KIF1C: variants seen among roughly 807,000 people sequenced by gnomAD.
KIF1C encodes the protein kinesin family member 1C, also known as kinesin-like protein KIF1C.
In KIF1C, 61 loss-of-function variants were observed where a neutral mutation model predicts 126.5. The ratio of observed to expected loss-of-function variants is 0.48; its 90% CI spans 0.39 to 0.60. The LOEUF (loss-of-function observed/expected upper bound fraction) is 0.60, where lower values mean the gene tolerates loss of function less well. KIF1C is among the 20% of genes least tolerant of loss of function. The pLI is 0.00. For missense variants in KIF1C, 1,315 were observed against 1,489.2 expected, an observed-to-expected ratio of 0.88 and a Z score of 1.93; for synonymous variants, 640 against 580.6, an observed-to-expected ratio of 1.10 and a Z score of -1.47.
chr17:4,998,189 C>G (rs1974437289), intron 1 of KIF1C, 33 bp downstream of exon 1: 1 of 152,558 alleles, frequency 6.6e-6, no homozygotes, highest in South Asian at 2.1e-4. Context: ...GGAAGGGACG[C>G]CCGCGGAGGA....
At position 5,023,598 on chromosome 17, in the gene KIF1C, G is replaced by T; in HGVS notation, c.2759G>T (p.Ser920Ile). The change falls in exon 23 of 23, where the codon AGC becomes ATC. Residue 920 changes from serine to isoleucine, a missense_variant. Ser to Ile is a moderately radical substitution (Grantham distance 142, BLOSUM62 -2). Coordinates refer to ENST00000320785, the MANE Select transcript of KIF1C (RefSeq NM_006612.6). This position sits in a 1 kb window ranked among gnomAD's most constrained non-coding sequence, Gnocchi z 4.2. ...SARPPSPPLS[S>I]WERVSRLMEE... is the part of the protein sequence containing the mutation. ...CGGCCCCCCTCGCCACCACTGTCAA[G>T]CTGGGAGCGGGTGTCACGGCTCATG... The T allele has an allele frequency of 6.2e-7, 1 of 1,613,750 alleles. No homozygotes were observed. Among genetic ancestry groups the T allele is most frequent in the Non-Finnish European group, 8.5e-7 (1 of 1,179,924 alleles).
At chr17:5,016,220 C>T (rs2055758767) in intron 18 of KIF1C, among the ~76,000 whole-genome samples, 1 of 151,718 alleles carries the variant, frequency 6.6e-6, no homozygotes, top group Non-Finnish European at 1.5e-5. Context: ...TCACTGCAAC[C>T]TCTGCCTCCC....
chr17:5,002,415 T>C (rs1393984673), intron 6 of KIF1C, 49 bp from the exon 7 acceptor site: 1 of 1,511,502 alleles, frequency 6.6e-7, no homozygotes, highest in East Asian at 2.3e-5. Context: ...AGTTGCGTTG[T>C]CATTGTTTTT....
In KIF1C at chr17:5,023,274, T is replaced by C. The variant is rs1182906125; in HGVS notation, c.2629-194T>C. ...GACCTTGTGATCCGCCCACCTCAGC[T>C]TCCCAAAGTGCTGCGATTACAGGCG... On this transcript the variant is annotated intron_variant, in intron 22 of 22. Coordinates refer to ENST00000320785, the MANE Select transcript of KIF1C (RefSeq NM_006612.6). This position sits in a 1 kb window ranked among gnomAD's most constrained non-coding sequence, Gnocchi z 4.2. 2.6e-5 allele frequency among the ~76,000 whole-genome samples: 4 copies of C among 152,016 alleles called. No individual in the cohort carries two copies. The highest frequency in any genetic ancestry group is 3.2e-3 in the Middle Eastern group (1 of 314).
In KIF1C at chr17:5,022,237, G is replaced by T; in HGVS notation, c.2156G>T (p.Arg719Leu). ...KRCGLPSSGK[R>L]RAPRRVYQIP... ...TGTGGTCTGCCCAGCAGTGGCAAGC[G>T]CAGGGCCCCTCGCAGGGTTTATCAG... Residue 719 changes from arginine (R) to leucine (L), a missense_variant, in exon 22 of 23, where the codon CGC becomes CTC. By Grantham distance (102) the Arg-to-Leu change is moderately radical. Around this residue, in one of 2 missense-constraint regions of KIF1C, gnomAD observed 874 missense variants for 1,053.2 expected, o/e 0.83. Transcript: ENST00000320785. The surrounding 1 kb of genome is among the most constrained non-coding windows in gnomAD (Gnocchi z 4.9). The T allele has an allele frequency of 6.2e-7, 1 of 1,614,170 alleles. No individual in the cohort carries two copies. Among genetic ancestry groups the T allele is most frequent in the East Asian group, 2.2e-5 (1 of 44,882 alleles).
At position 5,001,339 on chromosome 17, in the gene KIF1C, G is replaced by A. The variant is rs1370798795; in HGVS notation, c.301G>A (p.Ala101Thr). The change falls in exon 5 of 23, where the codon GCT (alanine) becomes ACT (threonine). Residue 101 changes from alanine to threonine, a missense_variant. By Grantham distance (58) the Ala-to-Thr change is moderately conservative. Transcript: ENST00000320785. ...CATCTTTGCCTATGGGCAGACCGGG[G>A]CTGGGAAATCCTATACCATGATGGG... is the stretch of plus-strand genomic sequence containing the variant. ...VCIFAYGQTG[A>T]GKSYTMMGRQ... is the part of the protein sequence containing the mutation. The A allele has an allele frequency of 1.9e-6, 3 of 1,614,050 alleles. No homozygotes were observed. Among genetic ancestry groups the A allele is most frequent in the East Asian group, 2.2e-5 (1 of 44,898 alleles).
chr17:5,009,313 G>A (rs1435527847), intron 16 of KIF1C, among the ~76,000 whole-genome samples: 1 of 151,776 alleles, frequency 6.6e-6, no homozygotes, highest in Non-Finnish European at 1.5e-5. Flanking sequence ...CCAAGTAGCT[G>A]GGATTACAGG....
intron 3 of KIF1C, 138 bp downstream of exon 3, chr17:5,000,490 G>A: frequency 1.4e-6 from 1 of 698,088 alleles, no homozygotes; most frequent in Non-Finnish European, 2.5e-6. Flanking sequence ...GCGGGGGCTG[G>A]GGCAGGCTGG....
rs781606691 is a variant in KIF1C, at chr17:5,004,872, A to G, written c.1037A>G (p.Lys346Arg). ...TCACCCAGGTATGCTGACCGCACCA[A>G]GCAAATCCGCTGCAATGCCATCATC... ...LSTLRYADRT[K>R]QIRCNAIINE... Residue 346 changes from lysine to arginine, a missense_variant, in exon 13 of 23, where the codon AAG becomes AGG. Physicochemically the swap from Lys to Arg is conservative, Grantham distance 26 (BLOSUM62 2). Transcript: ENST00000320785. The G allele has an allele frequency of 6.2e-7, 1 of 1,614,222 alleles. No homozygotes were observed. The highest frequency in any genetic ancestry group is 1.1e-5 in the South Asian group (1 of 91,090).
intron 1 of KIF1C, among the ~76,000 whole-genome samples, chr17:4,998,526 C>A (rs377704245): frequency 8.5e-5 from 13 of 152,328 alleles, no homozygotes; most frequent in African/African-American, 2.9e-4. Flanking sequence ...ACCTCTATTC[C>A]CTTACCCCGC....
intron 16 of KIF1C, among the ~76,000 whole-genome samples, chr17:5,010,105 T>C (rs1346899183): frequency 6.6e-6 from 1 of 152,058 alleles, no homozygotes; most frequent in Admixed American, 6.5e-5. Flanking sequence ...TTTTGTATTT[T>C]AGTAGAGACA....
At position 5,020,662 on chromosome 17, in the gene KIF1C, C is replaced by A. The variant is rs755583443; in HGVS notation, c.1921C>A (p.Leu641Met). ...LLEQQGIDIK[L>M]EMEKRLQDLE... ...GGAGCAGCAAGGCATCGACATAAAG[C>A]TGGAAATGGAGAAGAGGTGCGAGGG... The change falls in exon 20 of 23, where the codon CTG becomes ATG. Residue 641 changes from leucine (L) to methionine (M), a missense_variant. Coordinates refer to ENST00000320785, the MANE Select transcript of KIF1C (RefSeq NM_006612.6). The surrounding 1 kb of genome is among the most constrained non-coding windows in gnomAD (Gnocchi z 5.8). The A allele has an allele frequency of 2.5e-6, 4 of 1,613,904 alleles. No individual in the cohort carries two copies. The highest frequency in any genetic ancestry group is 3.4e-6 in the Non-Finnish European group (4 of 1,179,830).
chr17:5,015,323 G>A (rs1045741976), intron 18 of KIF1C, among the ~76,000 whole-genome samples: 2 of 150,326 alleles, frequency 1.3e-5, no homozygotes, highest in South Asian at 2.1e-4. Flanking sequence ...CGCTCTTGTC[G>A]CCCAGGCTGG....
intron 18 of KIF1C, among the ~76,000 whole-genome samples, chr17:5,015,718 C>T (rs892467675): frequency 6.6e-6 from 1 of 151,286 alleles, no homozygotes; most frequent in Non-Finnish European, 1.5e-5. Flanking sequence ...TTGCCTCAAC[C>T]CCGAGTAGCT....
intron 1 of KIF1C, among the ~76,000 whole-genome samples, chr17:4,998,608 C>T (rs546519980): frequency 1.3e-5 from 2 of 152,366 alleles, no homozygotes; most frequent in East Asian, 3.9e-4. Flanking sequence ...CTTGTCCCCA[C>T]CAGTGTCCTT....
chr17:5,018,521 C>T (rs1328007047), intron 18 of KIF1C, among the ~76,000 whole-genome samples: 2 of 151,760 alleles, frequency 1.3e-5, no homozygotes, highest in Non-Finnish European at 2.9e-5. Flanking sequence ...GAAACCCCGT[C>T]TCTACTAAAA....
At position 5,026,409 on chromosome 17, in the gene KIF1C, C is replaced by T. The variant is rs1412878300; in HGVS notation, c.*2258C>T. ...CTAATTTAAAAGACGGATTATTTTT[C>T]CCTAAAGACCTTGACTTATGTAAAT... On this transcript the variant is annotated 3_prime_UTR_variant, in exon 23 of 23. Coordinates refer to ENST00000320785, the MANE Select transcript of KIF1C (RefSeq NM_006612.6). The T allele has an allele frequency of 1.3e-5, 2 of 152,098 alleles. No individual in the cohort carries two copies. Among genetic ancestry groups the T allele is most frequent in the African/African-American group, 4.8e-5 (2 of 41,412 alleles). 9.4% of individuals were successfully genotyped at this position (152,098 alleles called of 1,614,324 possible).
chr17:4,997,964 G>T lies in KIF1C; in HGVS notation c.-341G>T, dbSNP rs1196681009. The T allele has an allele frequency of 2.0e-5, 3 of 147,894 alleles. No individual in the cohort carries two copies. The highest frequency in any genetic ancestry group is 2.0e-4 in the Admixed American group (3 of 14,898). 9.2% of individuals were successfully genotyped at this position (147,894 alleles called of 1,614,324 possible). ...GCTCCCGCCCCAGCTCGCGCTGCCCGGGCGGGCGCCGGCCGCTGGCGCCGC... is the reference window on the plus strand; with the variant it reads ...GCTCCCGCCCCAGCTCGCGCTGCCCTGGCGGGCGCCGGCCGCTGGCGCCGC... On this transcript the variant is annotated 5_prime_UTR_variant, in exon 1 of 23. Coordinates refer to ENST00000320785, the MANE Select transcript of KIF1C (RefSeq NM_006612.6).
In KIF1C at chr17:5,023,456, C is replaced by T; in HGVS notation, c.2629-12C>T. ...TCACATCCCTTCTCCTTTTCTCACTCCTCCCTCCCAGGATCATGAGGATGA... is the reference window on the plus strand; with the variant it reads ...TCACATCCCTTCTCCTTTTCTCACTTCTCCCTCCCAGGATCATGAGGATGA... On this transcript the variant is annotated splice_polypyrimidine_tract_variant and intron_variant, in intron 22 of 22. Coordinates refer to ENST00000320785, the MANE Select transcript of KIF1C (RefSeq NM_006612.6). The surrounding 1 kb of genome is among the most constrained non-coding windows in gnomAD (Gnocchi z 4.2). 1.9e-6 allele frequency: 3 copies of T among 1,611,184 alleles called. No homozygotes were observed. Among genetic ancestry groups the T allele is most frequent in the Non-Finnish European group, 2.5e-6 (3 of 1,177,746 alleles).
Sources: allele counts gnomAD v4.1 joint callset (sites outside exome capture counted in the v4.1 genomes callset), GRCh38; gene constraint gnomAD v4.1.1; regional missense constraint gnomAD v4.1.1; non-coding constraint Gnocchi (gnomAD v3.1); transcripts MANE v1.5; gene names NCBI Gene and HGNC (gene_info 2026-07-23, HGNC 2026-07-21).